STRN: variants seen among roughly 807,000 people sequenced by gnomAD.
STRN encodes protein phosphatase 2 regulatory subunit B'''alpha.
Under a neutral mutation model 96.3 loss-of-function variants are expected in STRN, and 53 were observed. The observed-to-expected ratio is 0.55, with a 90% CI of 0.44 to 0.69. The LOEUF (loss-of-function observed/expected upper bound fraction) is 0.69. Among genes scored for constraint, STRN ranks in the 30% least tolerant of loss-of-function variants. The probability of loss-of-function intolerance (pLI) is 0.00; values close to 1 mark genes in which losing one functional copy is unlikely to be tolerated. For synonymous variants in STRN, 428 were observed against 355.9 expected (o/e 1.20, Z -2.28); for missense variants, 987 against 963.9 (o/e 1.02, Z -0.32).
intron 1 of STRN, among the ~76,000 whole-genome samples, chr2:36,957,288 T>A (rs549306220): frequency 2.0e-5 from 3 of 152,304 alleles, no homozygotes; most frequent in African/African-American, 7.2e-5. Context: ...AAGTAATGCA[T>A]TTACTTTAAA....
chr2:36,876,938 C>T (rs905374035), intron 10 of STRN, among the ~76,000 whole-genome samples: 2 of 151,924 alleles, frequency 1.3e-5, no homozygotes, highest in Admixed American at 6.6e-5. Flanking sequence ...TTAATAGAGA[C>T]GGGTTTTCAC....
intron 2 of STRN, among the ~76,000 whole-genome samples, chr2:36,917,558 AAAAG>A (rs1670140871): frequency 1.3e-5 from 2 of 151,556 alleles, no homozygotes; most frequent in Non-Finnish European, 2.9e-5. Flanking sequence ...AAAAAAGAAA[AAAAG>A]AAAAGTAGAA....
At chr2:36,952,591 A>G (rs1664779815) in intron 1 of STRN, among the ~76,000 whole-genome samples, 1 of 152,188 alleles carries the variant, frequency 6.6e-6, no homozygotes, top group African/African-American at 2.4e-5. Context: ...AATATCTACC[A>G]CATACAGTTT....
Position 36,861,731 on chromosome 2 carries a change from GCACACACACACACA to G in STRN, c.1548-492_1548-479del, listed in dbSNP as rs59999370. ...AAAAATGCAATGTATCATTGCGTGAGCACACACACACACACACACACACACACACACACTTCTCA... is the reference window on the plus strand; with the variant it reads ...AAAAATGCAATGTATCATTGCGTGAGCACACACACACACACACACTTCTCA... On this transcript the variant is annotated intron_variant, in intron 12 of 17. Coordinates refer to ENST00000263918, the MANE Select transcript of STRN (RefSeq NM_003162.4). Among the ~76,000 whole-genome samples, 868 of 150,586 alleles carry G rather than the reference GCACACACACACACA, an allele frequency of 5.8e-3. 2 individuals are homozygous for G. Among genetic ancestry groups the G allele is most frequent in the Non-Finnish European group, 9.1e-3 (616 of 67,508 alleles).
chr2:36,896,352 C>A (rs185056568), intron 6 of STRN, among the ~76,000 whole-genome samples: 10 of 152,174 alleles, frequency 6.6e-5, no homozygotes, highest in African/African-American at 1.9e-4. Flanking sequence ...AAGTATCTCA[C>A]TTTAAATAAA....
chr2:36,877,749 T>A (rs1668952051), intron 10 of STRN, 142 bp downstream of exon 10: 2 of 795,956 alleles, frequency 2.5e-6, no homozygotes, highest in Non-Finnish European at 3.8e-6. Context: ...TTGGCCAGGC[T>A]GGTTTTGAAC....
At chr2:36,867,783 G>T (rs768969300) in intron 12 of STRN, 31 bp downstream of exon 12, 1 of 1,401,854 alleles carries the variant, frequency 7.1e-7, no homozygotes, top group Non-Finnish European at 9.7e-7. Flanking sequence ...CAGAGATATC[G>T]GTTTAAAATA....
intron 16 of STRN, 47 bp downstream of exon 16, chr2:36,850,952 AT>A (rs10668550): frequency 4.5e-3 from 5,556 of 1,230,240 alleles, no homozygotes; most frequent in African/African-American, 0.013. Flanking sequence ...TGTGGTAGGG[AT>A]TTTTTTTTTT....
chr2:36,962,614 C>T (rs1425506239), intron 1 of STRN, among the ~76,000 whole-genome samples: 5 of 152,006 alleles, frequency 3.3e-5, no homozygotes, highest in South Asian at 4.1e-4. Flanking sequence ...GCAACCTCCG[C>T]CTCCCAGGTT....
At chr2:36,896,947 C>G (rs1392238591) in intron 6 of STRN, among the ~76,000 whole-genome samples, 1 of 152,138 alleles carries the variant, frequency 6.6e-6, no homozygotes, top group Non-Finnish European at 1.5e-5. Context: ...GCAGGCGGAT[C>G]ACCTGAGGTC....
chr2:36,923,899 A>G (rs1670329892), intron 2 of STRN, among the ~76,000 whole-genome samples: 1 of 152,246 alleles, frequency 6.6e-6, no homozygotes, highest in Admixed American at 6.5e-5. Flanking sequence ...TAAAGCAAAT[A>G]AATAACTCAT....
rs1038365296 is a variant in STRN at position 36,846,997 on chromosome 2, G to C, written c.*2459C>G. 3 of 152,102 alleles carry C rather than the reference G, an allele frequency of 2.0e-5. No individual in the cohort carries two copies. The highest frequency in any genetic ancestry group is 4.4e-5 in the Non-Finnish European group (3 of 68,016). 9.4% of individuals were successfully genotyped at this position (152,102 alleles called of 1,614,324 possible). ...TTTGTTCATTCTGTGAATTTTCATT[G>C]AATGTTCAACAGGCTAGGGGAAAAG... On this transcript the variant is annotated 3_prime_UTR_variant, in exon 18 of 18. Transcript: ENST00000263918.
chr2:36,883,937 T>C lies in STRN; in HGVS notation c.1181A>G (p.Asp394Gly). ...RLPEHEINRA[D>G]EVEALTFPPS... Reference sequence around the variant, plus strand: ...AGAGTATCTTAAATACTTACCTTCATCTGCCCTATTAATTTCATGTTCAGG... The same window carrying C: ...AGAGTATCTTAAATACTTACCTTCACCTGCCCTATTAATTTCATGTTCAGG... Residue 394 changes from aspartate (D) to glycine (G), a missense_variant, in exon 9 of 18, where the codon GAT becomes GGT. Physicochemically the swap from Asp to Gly is moderately conservative, Grantham distance 94. Transcript: ENST00000263918. The C allele has an allele frequency of 2.9e-6, 4 of 1,382,552 alleles. No homozygotes were observed. The highest frequency in any genetic ancestry group is 4.4e-5 in the South Asian group (2 of 45,116). 85.6% of individuals were successfully genotyped at this position (1,382,552 alleles called of 1,614,324 possible). A position where few individuals can be genotyped will look rare whatever the true frequency, so the allele number is the denominator to read the frequency against.
chr2:36,879,366 A>T (rs562955647), intron 9 of STRN, among the ~76,000 whole-genome samples: 1 of 152,224 alleles, frequency 6.6e-6, no homozygotes, highest in Non-Finnish European at 1.5e-5. Flanking sequence ...CACCACGCCC[A>T]GCGAGAAAAT....
At chr2:36,960,235 A>G (rs1251693986) in intron 1 of STRN, among the ~76,000 whole-genome samples, 3 of 152,276 alleles carry the variant, frequency 2.0e-5, no homozygotes, top group Non-Finnish European at 4.4e-5. Flanking sequence ...AAACACATTC[A>G]GAAAAGTTTA....
chr2:36,911,967 T>C (rs1423863065), intron 3 of STRN, among the ~76,000 whole-genome samples: 2 of 152,138 alleles, frequency 1.3e-5, no homozygotes, highest in African/African-American at 4.8e-5. Context: ...TCTGACCCAC[T>C]CTCAGCAGAT....
intron 5 of STRN, among the ~76,000 whole-genome samples, chr2:36,901,506 G>T (rs376105901): frequency 6.7e-6 from 1 of 149,146 alleles, no homozygotes; most frequent in African/African-American, 2.5e-5. Flanking sequence ...GAGCTGAGAT[G>T]GCGCCACTGC....
Position 36,957,758 on chromosome 2 carries a change from T to TTG in STRN, c.234+8471_234+8472insCA, listed in dbSNP as rs1469286330. Among the ~76,000 whole-genome samples, 69 of 113,372 alleles carry TTG rather than the reference T, an allele frequency of 6.1e-4. 1 individual carries two copies. Among genetic ancestry groups the TTG allele is most frequent in the Non-Finnish European group, 1.1e-3 (55 of 52,020 alleles). 74.4% of individuals were successfully genotyped at this position (113,372 alleles called of 152,430 possible). A position where few individuals can be genotyped will look rare whatever the true frequency, so the allele number is the denominator to read the frequency against. The stretch of plus-strand genomic sequence containing the variant: ...CTTCTTTTTGTCTTTTTTTTTTTTT[T>TTG]TTTTTTTTTTTTTTGAGGTGGAGTC... On this transcript the variant is annotated intron_variant, in intron 1 of 17. Transcript: ENST00000263918.
chr2:36,874,672 G>A (rs1318918592), intron 10 of STRN, among the ~76,000 whole-genome samples: 4 of 138,844 alleles, frequency 2.9e-5, no homozygotes, highest in African/African-American at 1.1e-4. Flanking sequence ...GTTGACCTTA[G>A]CAGAAAACAT....
Sources: gnomAD v4.1 joint callset for allele counts (sites outside exome capture counted in the v4.1 genomes callset) on GRCh38, gnomAD v4.1.1 for gene constraint, MANE v1.5 for transcripts, NCBI Gene and HGNC (gene_info 2026-07-23, HGNC 2026-07-21) for gene names.